RXYLT1: variants seen among roughly 807,000 people sequenced by gnomAD.
RXYLT1 encodes ribitol xylosyltransferase 1, also known as ribitol-5-phosphate xylosyltransferase 1.
A neutral mutation model predicts 43.5 loss-of-function variants in RXYLT1; 41 were observed. That is an observed-to-expected ratio of 0.94 (90% confidence interval 0.73 to 1.22). RXYLT1 has a LOEUF of 1.22. RXYLT1 is among the 50% of genes most tolerant of loss of function. RXYLT1 has a pLI of 0.00. For missense variants in RXYLT1, 514 were observed against 532.0 expected (o/e 0.97, Z 0.33); for synonymous variants, 166 against 194.4 (o/e 0.85, Z 1.21).
intron 3 of RXYLT1, among the ~76,000 whole-genome samples, chr12:63,794,621 T>C (rs1436604775): frequency 6.6e-6 from 1 of 152,136 alleles, no homozygotes; most frequent in Non-Finnish European, 1.5e-5. Context: ...TATTAATTTA[T>C]GTACTGCTTG....
chr12:63,798,195 T>C (rs538061268), intron 3 of RXYLT1, among the ~76,000 whole-genome samples: 1 of 152,262 alleles, frequency 6.6e-6, no homozygotes, highest in East Asian at 1.9e-4. Context: ...TCACCCATCC[T>C]TATCTCTTTC....
intron 5 of RXYLT1, chr12:63,806,443 C>CATTAGA (rs1898293732): frequency 6.6e-6 from 1 of 152,218 alleles, no homozygotes; most frequent in South Asian, 2.1e-4. Flanking sequence ...CATTTATGCA[C>CATTAGA]AGGCCTTAAG....
intron 3 of RXYLT1, among the ~76,000 whole-genome samples, chr12:63,788,878 A>G (rs1592844414): frequency 6.6e-6 from 1 of 152,190 alleles, no homozygotes; most frequent in Non-Finnish European, 1.5e-5. Context: ...AGCTTTTGAC[A>G]TGCCTTCCTC....
chr12:63,797,457 C>T (rs1389388582), intron 3 of RXYLT1, among the ~76,000 whole-genome samples: 1 of 151,974 alleles, frequency 6.6e-6, no homozygotes, highest in Non-Finnish European at 1.5e-5. Flanking sequence ...TAGAAGTTAG[C>T]AAGGCAGAAA....
intron 3 of RXYLT1, among the ~76,000 whole-genome samples, chr12:63,791,233 A>G (rs1478026547): frequency 1.3e-5 from 2 of 152,196 alleles, no homozygotes; most frequent in Non-Finnish European, 2.9e-5. Flanking sequence ...TTAATTTCTT[A>G]AGAGGAACCT....
At chr12:63,797,103 ACAGGCACCTGCCACCATGCC>A (rs1277596758) in intron 3 of RXYLT1, among the ~76,000 whole-genome samples, 2 of 151,594 alleles carry the variant, frequency 1.3e-5, no homozygotes, top group Non-Finnish European at 2.9e-5. Context: ...AGCTGGGATT[ACAGGCACCTGCCACCATGCC>A]CAGCTAATTT....
chr12:63,799,436 C>T (rs1337855034), intron 3 of RXYLT1, among the ~76,000 whole-genome samples: 1 of 150,808 alleles, frequency 6.6e-6, no homozygotes, highest in African/African-American at 2.4e-5. Context: ...TGCTGAGTAG[C>T]TGCACCACCA....
intron 3 of RXYLT1, among the ~76,000 whole-genome samples, chr12:63,787,838 G>T (rs543365516): frequency 6.6e-6 from 1 of 152,250 alleles, no homozygotes; most frequent in South Asian, 2.1e-4. Flanking sequence ...TGTTGGCCAG[G>T]TCTCCTGTCT....
intron 3 of RXYLT1, chr12:63,795,835 GT>G (rs1415043333): frequency 6.6e-6 from 1 of 151,912 alleles, no homozygotes; most frequent in Non-Finnish European, 1.5e-5. Context: ...GGAAATTATT[GT>G]TTTTTAATAT....
In RXYLT1 at chr12:63,808,962, CTA is replaced by C; in HGVS notation, c.1205_1206del (p.Ile402AsnfsTer7). On this transcript the variant is annotated frameshift_variant, in exon 6 of 6. Coordinates refer to ENST00000261234, the MANE Select transcript of RXYLT1 (RefSeq NM_014254.3). LOFTEE classifies it high-confidence loss of function. ...CCTGCTGTTTTAGAAAAAGAGAAAA[CTA>C]TAATTTTACAAGAAAAAATTGAAAG... is the stretch of plus-strand genomic sequence containing the variant. 1 of 1,613,160 alleles carries C rather than the reference CTA, an allele frequency of 6.2e-7. No individual in the cohort carries two copies. The highest frequency in any genetic ancestry group is 8.5e-7 in the Non-Finnish European group (1 of 1,179,782).
chr12:63,794,185 G>A (rs763293762), intron 3 of RXYLT1, among the ~76,000 whole-genome samples: 2 of 152,204 alleles, frequency 1.3e-5, no homozygotes, highest in African/African-American at 2.4e-5. Context: ...TCATAAGGTA[G>A]TCTATTCACA....
chr12:63,795,007 A>G (rs1287619577), intron 3 of RXYLT1, among the ~76,000 whole-genome samples: 1 of 149,820 alleles, frequency 6.7e-6, no homozygotes, highest in Admixed American at 6.7e-5. Flanking sequence ...TAAAATATCA[A>G]AATATAGGCT....
Position 63,809,472 on chromosome 12 carries a change from G to T in RXYLT1, c.*380G>T. 1.8e-5 allele frequency: 3 copies of T among 170,660 alleles called. No homozygotes were observed. The highest frequency in any genetic ancestry group is 3.7e-5 in the Non-Finnish European group (3 of 80,950). The allele number at this position is 170,660 out of a possible 1,614,324, so 10.6% of individuals were successfully genotyped here. Reference sequence around the variant, plus strand: ...AATGACAATAAATGACTATGTTACTGGTTTATGTATTTACTATACTATACT... The same window carrying T: ...AATGACAATAAATGACTATGTTACTTGTTTATGTATTTACTATACTATACT... On this transcript the variant is annotated 3_prime_UTR_variant, in exon 6 of 6. Coordinates refer to ENST00000261234, the MANE Select transcript of RXYLT1 (RefSeq NM_014254.3).
rs779346062 is a variant in RXYLT1, at chr12:63,780,040, T to C, written c.80T>C (p.Val27Ala). The change falls in exon 1 of 6, where the codon GTC (valine) becomes GCC (alanine). Residue 27 changes from valine to alanine, a missense_variant. Val to Ala is a moderately conservative substitution (Grantham distance 64, BLOSUM62 0). Transcript: ENST00000261234. ...CLFSLYAAYHVFFGRRRQAPA... is the reference protein window; with the variant it reads ...CLFSLYAAYHAFFGRRRQAPA... ...TTCTCCCTCTACGCTGCCTACCACG[T>C]CTTCTTCGGGCGCCGCCGCCAGGCG... 23 of 1,607,552 alleles carry C rather than the reference T, an allele frequency of 1.4e-5. No individual in the cohort carries two copies. The Middle Eastern group carries it at 3.3e-3, about 232-fold the overall frequency.
At chr12:63,785,371 A>G (rs149304355) in intron 3 of RXYLT1, 31 of 162,676 alleles carry the variant, frequency 1.9e-4, no homozygotes, top group Non-Finnish European at 2.9e-4. Flanking sequence ...GGTGACAGCC[A>G]TTGAAAACAT....
In RXYLT1 at chr12:63,790,231, A is replaced by G. The variant is rs557924963; in HGVS notation, c.428+5159A>G. On this transcript the variant is annotated intron_variant, in intron 3 of 5. Transcript: ENST00000261234. ...ATTCTTTCCATACAGGCAGGCTACAATTGATAACCAATTATTTGAGGGTTG... is the reference window on the plus strand; with the variant it reads ...ATTCTTTCCATACAGGCAGGCTACAGTTGATAACCAATTATTTGAGGGTTG... 2.6e-5 allele frequency: 4 copies of G among 152,376 alleles called. No individual in the cohort carries two copies. The East Asian group carries it at 5.8e-4, about 22-fold the overall frequency. 9.4% of individuals were successfully genotyped at this position (152,376 alleles called of 1,614,324 possible).
chr12:63,801,985 G>T, intron 3 of RXYLT1, 106 bp from the exon 4 acceptor site: 2 of 1,082,302 alleles, frequency 1.8e-6, no homozygotes, highest in South Asian at 3.4e-5. Context: ...ATAGAATGTG[G>T]ATTAAATCTC....
chr12:63,801,958 A>G, intron 3 of RXYLT1, 133 bp from the exon 4 acceptor site: 1 of 811,210 alleles, frequency 1.2e-6, no homozygotes, highest in South Asian at 2.0e-5. Flanking sequence ...ATTGTATTAT[A>G]GAAATTTTAC....
intron 2 of RXYLT1, among the ~76,000 whole-genome samples, chr12:63,782,352 G>A (rs1042254221): frequency 2.0e-5 from 3 of 152,220 alleles, no homozygotes; most frequent in Non-Finnish European, 4.4e-5. Flanking sequence ...TGCAGGCCTA[G>A]GAATAATCTA....
Sources: gnomAD v4.1 joint callset for allele counts (sites outside exome capture counted in the v4.1 genomes callset) on GRCh38, gnomAD v4.1.1 for gene constraint, MANE v1.5 for transcripts, NCBI Gene and HGNC (gene_info 2026-07-23, HGNC 2026-07-21) for gene names.